The following UBQLN1 variants were observed in gnomAD, a reference collection of about 807,000 sequenced individuals.
UBQLN1 encodes the protein ubiquilin-1.
In UBQLN1, 13 loss-of-function variants were observed where a neutral mutation model predicts 65.4. That is an observed-to-expected ratio of 0.20 (90% confidence interval 0.13 to 0.32). The LOEUF (loss-of-function observed/expected upper bound fraction) is 0.32. Among genes scored for constraint, UBQLN1 ranks in the 10% least tolerant of loss-of-function variants. The probability of loss-of-function intolerance (pLI) is 1.00; values close to 1 mark genes in which losing one functional copy is unlikely to be tolerated. For missense variants in UBQLN1, 561 were observed against 724.0 expected (o/e 0.77, Z 2.58); for synonymous variants, 267 against 247.8 (o/e 1.08, Z -0.73).
chr9:83,690,517 T>C (rs1341195232), intron 1 of UBQLN1, among the ~76,000 whole-genome samples: 3 of 152,214 alleles, frequency 2.0e-5, no homozygotes, highest in African/African-American at 7.2e-5. Flanking sequence ...ATGACACATG[T>C]ATTCCTCTAT....
At chr9:83,686,203 CAT>C in intron 1 of UBQLN1, 48 bp from the exon 2 acceptor site, 2 of 1,302,346 alleles carry the variant, frequency 1.5e-6, no homozygotes, top group Non-Finnish European at 2.1e-6. Flanking sequence ...TGCACAGCAC[CAT>C]ACAGTCTAGT....
At chr9:83,670,798 A>T (rs753742195) in intron 6 of UBQLN1, among the ~76,000 whole-genome samples, 7 of 152,188 alleles carry the variant, frequency 4.6e-5, no homozygotes, top group Non-Finnish European at 8.8e-5. Flanking sequence ...TTTATGAAAC[A>T]TTCTGAATTC....
intron 3 of UBQLN1, among the ~76,000 whole-genome samples, chr9:83,682,315 C>G (rs1185408471): frequency 6.6e-6 from 1 of 151,220 alleles, no homozygotes; most frequent in Non-Finnish European, 1.5e-5. Flanking sequence ...TTCCACAGAA[C>G]CTCAATATAT....
At chr9:83,695,129 C>A (rs573391608) in intron 1 of UBQLN1, among the ~76,000 whole-genome samples, 2 of 150,848 alleles carry the variant, frequency 1.3e-5, no homozygotes, top group African/African-American at 2.4e-5. Context: ...CATATAAATA[C>A]CTTTCTGGAC....
At chr9:83,671,525 T>C (rs1307171116) in intron 6 of UBQLN1, among the ~76,000 whole-genome samples, 3 of 152,136 alleles carry the variant, frequency 2.0e-5, no homozygotes, top group Non-Finnish European at 4.4e-5. Context: ...CACATCTCCA[T>C]CAAAGCTCTT....
chr9:83,668,299 T>C, intron 7 of UBQLN1: 1 of 984,664 alleles, frequency 1.0e-6, no homozygotes. Flanking sequence ...ATAAAAACCA[T>C]TCATTTGACT....
At chr9:83,674,782 G>T (rs1326577745) in intron 6 of UBQLN1, among the ~76,000 whole-genome samples, 1 of 152,152 alleles carries the variant, frequency 6.6e-6, no homozygotes, top group Admixed American at 6.5e-5. Context: ...TGGTAAGTCT[G>T]AAGTGACCGG....
chr9:83,672,666 C>T (rs1400600419), intron 6 of UBQLN1, among the ~76,000 whole-genome samples: 1 of 152,090 alleles, frequency 6.6e-6, no homozygotes, highest in Non-Finnish European at 1.5e-5. Flanking sequence ...AGAATCACCA[C>T]AACAGAATAA....
At chr9:83,678,023 CTT>C (rs386415305) in intron 5 of UBQLN1, 62 bp from the exon 6 acceptor site, 3,980 of 924,906 alleles carry the variant, frequency 4.3e-3, no homozygotes, top group Middle Eastern at 6.1e-3. Flanking sequence ...AGATATGAAA[CTT>C]TTTTTTTTTT....
intron 3 of UBQLN1, 130 bp downstream of exon 3, chr9:83,682,821 T>G (rs1273140053): frequency 2.1e-6 from 1 of 484,498 alleles, no homozygotes; most frequent in East Asian, 3.5e-5. Flanking sequence ...TATAGGAATG[T>G]ATGTTTTTTT....
intron 1 of UBQLN1, among the ~76,000 whole-genome samples, chr9:83,694,199 G>A (rs1257687883): frequency 2.6e-5 from 4 of 152,152 alleles, no homozygotes; most frequent in Non-Finnish European, 5.9e-5. Flanking sequence ...CAGCTCTGAA[G>A]ATAAAACACA....
intron 6 of UBQLN1, among the ~76,000 whole-genome samples, chr9:83,671,587 T>C (rs1473940190): frequency 6.6e-6 from 1 of 152,140 alleles, no homozygotes; most frequent in African/African-American, 2.4e-5. Context: ...AGGAATCTTT[T>C]CCTTAGCAAC....
intron 1 of UBQLN1, among the ~76,000 whole-genome samples, chr9:83,706,967 AAG>A (rs1311917805): frequency 6.6e-6 from 1 of 152,210 alleles, no homozygotes. Context: ...TAAAGGTTGC[AAG>A]GTGGGAAAGA....
In UBQLN1 at chr9:83,662,271, T is replaced by TAC. The variant is rs545130983; in HGVS notation, c.1618-333_1618-332insGT. Among the ~76,000 whole-genome samples, 921 of 102,316 alleles carry TAC rather than the reference T, an allele frequency of 9.0e-3. 1 individual carries two copies. The highest frequency in any genetic ancestry group is 0.013 in the Non-Finnish European group (646 of 50,338). The allele number at this position is 102,316 out of a possible 152,430, so 67.1% of individuals were successfully genotyped here. A position where few individuals can be genotyped will look rare whatever the true frequency, so the allele number is the denominator to read the frequency against. ...ATGTGTGTGTGTATATACATATACA[T>TAC]ATACACACACACACACACACACACA... is the stretch of plus-strand genomic sequence containing the variant. On this transcript the variant is annotated intron_variant, in intron 10 of 10. Coordinates refer to ENST00000376395, the MANE Select transcript of UBQLN1 (RefSeq NM_013438.5).
intron 6 of UBQLN1, among the ~76,000 whole-genome samples, chr9:83,671,519 T>A (rs1021890080): frequency 6.6e-6 from 1 of 152,162 alleles, no homozygotes; most frequent in African/African-American, 2.4e-5. Flanking sequence ...TCCTTGCACA[T>A]CTCCATCAAA....
At chr9:83,673,405 T>C (rs1831767728) in intron 6 of UBQLN1, among the ~76,000 whole-genome samples, 2 of 150,526 alleles carry the variant, frequency 1.3e-5, no homozygotes, top group African/African-American at 2.4e-5. Context: ...ATTAGCCAGG[T>C]GTGGTGGTGG....
At chr9:83,691,605 CATT>C (rs1301255271) in intron 1 of UBQLN1, among the ~76,000 whole-genome samples, 2 of 152,192 alleles carry the variant, frequency 1.3e-5, no homozygotes, top group African/African-American at 4.8e-5. Context: ...CTCCATTAAT[CATT>C]ATTACACAGC....
chr9:83,684,532 C>G (rs1406464426), intron 2 of UBQLN1, among the ~76,000 whole-genome samples: 1 of 152,062 alleles, frequency 6.6e-6, no homozygotes, highest in Admixed American at 6.5e-5. Flanking sequence ...AGGAAATAAG[C>G]CAGACAAGGT....
At chr9:83,668,651 A>T (rs1310114278) in intron 7 of UBQLN1, 1 of 985,084 alleles carries the variant, frequency 1.0e-6, no homozygotes, top group African/African-American at 1.7e-5. Flanking sequence ...CAAATTAGAA[A>T]AAGGAATACA....
Sources: allele counts gnomAD v4.1 joint callset (sites outside exome capture counted in the v4.1 genomes callset), GRCh38; gene constraint gnomAD v4.1.1; transcripts MANE v1.5; gene names NCBI Gene and HGNC (gene_info 2026-07-23, HGNC 2026-07-21).